Variants in VIT observed in about 807,000 individuals in gnomAD.
VIT encodes the protein vitrin.
VIT carries 99 observed loss-of-function variants against 78.0 expected under a neutral mutation model. The observed-to-expected ratio is 1.27, with a 90% confidence interval of 1.08 to 1.50. VIT has a LOEUF of 1.50. VIT is among the 40% of genes most tolerant of loss of function. VIT has a pLI of 0.00. For synonymous variants in VIT, 374 were observed against 334.3 expected (o/e 1.12, Z -1.29); for missense variants, 1,126 against 875.3 (o/e 1.29, Z -3.61).
At chr2:36,762,755 C>T (rs941143067) in intron 6 of VIT, among the ~76,000 whole-genome samples, 3 of 152,096 alleles carry the variant, frequency 2.0e-5, no homozygotes, top group Admixed American at 6.5e-5. Flanking sequence ...AATTAACAGG[C>T]TAATCAGGCT....
chr2:36,770,048 T>C (rs562324598), intron 7 of VIT, among the ~76,000 whole-genome samples: 49 of 152,332 alleles, frequency 3.2e-4, no homozygotes, highest in South Asian at 1.2e-3. Context: ...ATTGCACTTA[T>C]TAAAGATTTT....
intron 14 of VIT, among the ~76,000 whole-genome samples, chr2:36,806,338 C>G (rs1018352665): frequency 6.6e-6 from 1 of 152,204 alleles, no homozygotes; most frequent in Non-Finnish European, 1.5e-5. Context: ...GCCAGCAGGG[C>G]TCAACCTCCT....
intron 11 of VIT, among the ~76,000 whole-genome samples, chr2:36,784,053 T>C (rs916052364): frequency 5.3e-5 from 8 of 152,062 alleles, no homozygotes; most frequent in African/African-American, 1.7e-4. Context: ...AAATGTGACT[T>C]AGGGAGACAC....
intron 2 of VIT, 40 bp downstream of exon 2, chr2:36,716,462 AT>A: frequency 6.2e-7 from 1 of 1,600,944 alleles, no homozygotes; most frequent in Non-Finnish European, 8.5e-7. Context: ...CCCTTTTAAA[AT>A]TTTCCTAAGA....
At chr2:36,799,329 A>G (rs1247592706) in intron 12 of VIT, among the ~76,000 whole-genome samples, 1 of 152,166 alleles carries the variant, frequency 6.6e-6, no homozygotes, top group Non-Finnish European at 1.5e-5. Context: ...GAATCAACCC[A>G]TGGTCAGCAT....
chr2:36,700,019 A>T (rs376637655), intron 1 of VIT, among the ~76,000 whole-genome samples: 3 of 142,448 alleles, frequency 2.1e-5, no homozygotes, highest in Non-Finnish European at 3.1e-5. Flanking sequence ...ATGTTAGTTA[A>T]TTTTTTTTAA....
In VIT at chr2:36,779,913, GC is replaced by G; in HGVS notation, c.803-1813del. Among the ~76,000 whole-genome samples, 4 of 150,450 alleles carry G rather than the reference GC, an allele frequency of 2.7e-5. 1 individual carries two copies. Among genetic ancestry groups the G allele is most frequent in the Admixed American group, 2.6e-4 (4 of 15,146 alleles). ...AAAGTCTTTATGACAACCCTACACT[GC>G]AAAAAACTGGAGGCAAACCTGGAAA... On this transcript the variant is annotated intron_variant, in intron 9 of 15. Coordinates refer to ENST00000379242, the MANE Select transcript of VIT (RefSeq NM_053276.4).
intron 13 of VIT, among the ~76,000 whole-genome samples, chr2:36,802,134 C>A (rs7564176): frequency 0.059 from 8,957 of 152,230 alleles, 455 homozygotes; most frequent in African/African-American, 0.14. Flanking sequence ...CCTTTGGGGT[C>A]TCACCAGAAA....
chr2:36,778,055 A>G (rs1205858360), intron 9 of VIT, among the ~76,000 whole-genome samples: 2 of 152,186 alleles, frequency 1.3e-5, no homozygotes, highest in South Asian at 2.1e-4. Context: ...TCAGCCACAG[A>G]TATAAATTCA....
intron 10 of VIT, 103 bp downstream of exon 10, chr2:36,781,874 T>C: frequency 7.3e-7 from 1 of 1,377,826 alleles, no homozygotes; most frequent in Non-Finnish European, 1.0e-6. Context: ...CGAGCTCCAC[T>C]AGCCTAGGAT....
intron 9 of VIT, among the ~76,000 whole-genome samples, chr2:36,778,131 T>C (rs1024445164): frequency 2.0e-5 from 3 of 152,252 alleles, no homozygotes; most frequent in Admixed American, 6.5e-5. Context: ...TTAAAAAATG[T>C]ACTGAGCATA....
chr2:36,756,178 G>A (rs890955113), intron 5 of VIT, among the ~76,000 whole-genome samples: 1 of 151,810 alleles, frequency 6.6e-6, no homozygotes, highest in African/African-American at 2.4e-5. Flanking sequence ...GGCTGGTCTC[G>A]AGCTCCTGAC....
chr2:36,725,580 T>G, intron 2 of VIT, among the ~76,000 whole-genome samples: 1 of 103,084 alleles, frequency 9.7e-6, no homozygotes, highest in Non-Finnish European at 1.7e-5. Flanking sequence ...AGGATGTCAA[T>G]GTAGGAATTC....
At chr2:36,760,882 G>T (rs1443229809) in intron 6 of VIT, among the ~76,000 whole-genome samples, 3 of 152,174 alleles carry the variant, frequency 2.0e-5, no homozygotes, top group Admixed American at 1.3e-4. Flanking sequence ...TGAGAACTGG[G>T]ATGGGGTGAG....
At position 36,762,893 on chromosome 2, in the gene VIT, G is replaced by A. The variant is rs13384278; in HGVS notation, c.487+3847G>A. On this transcript the variant is annotated intron_variant, in intron 6 of 15. Transcript: ENST00000379242. ...AGGCGTTCCCTGAGGTTTAAATACT[G>A]TTCCCCCACCACCGCGCCCCAACTG... is the stretch of plus-strand genomic sequence containing the variant. Among the ~76,000 whole-genome samples the A allele has an allele frequency of 5.0e-3, 762 of 152,142 alleles. 6 individuals carry two copies. The highest frequency in any genetic ancestry group is 0.017 in the African/African-American group (725 of 41,514).
chr2:36,814,085 T>C lies in VIT; in HGVS notation c.1904-98T>C. 4.2e-6 allele frequency: 6 copies of C among 1,436,938 alleles called. No individual in the cohort carries two copies. The South Asian group carries it at 8.3e-5, about 20-fold the overall frequency. The allele number at this position is 1,436,938 out of a possible 1,614,324, so 89.0% of individuals were successfully genotyped here. ...GTTTTGTTTGGGCATATTTCTGATT[T>C]TGGATTTGGCTGTGCCAACAGGGCC... On this transcript the variant is annotated intron_variant, in intron 15 of 15. Transcript: ENST00000379242.
chr2:36,801,169 C>A (rs1572566305), intron 12 of VIT, 132 bp from the exon 13 acceptor site: 1 of 813,510 alleles, frequency 1.2e-6, no homozygotes. Context: ...CACAATGGGA[C>A]ATTTTACAAG....
chr2:36,713,695 C>T (rs1239818083), intron 1 of VIT, among the ~76,000 whole-genome samples: 1 of 152,152 alleles, frequency 6.6e-6, no homozygotes, highest in Non-Finnish European at 1.5e-5. Flanking sequence ...TCTGGATAGA[C>T]TTTGAATATA....
At chr2:36,724,509 C>T (rs1022459254) in intron 2 of VIT, among the ~76,000 whole-genome samples, 7 of 152,118 alleles carry the variant, frequency 4.6e-5, no homozygotes, top group African/African-American at 1.7e-4. Context: ...TGCAATTTAC[C>T]ATTTCCAGTG....
Sources: gnomAD v4.1 joint callset for allele counts (sites outside exome capture counted in the v4.1 genomes callset) on GRCh38, gnomAD v4.1.1 for gene constraint, MANE v1.5 for transcripts, NCBI Gene and HGNC (gene_info 2026-07-23, HGNC 2026-07-21) for gene names.